Variants in PCDH15 observed in about 807,000 individuals in gnomAD.
PCDH15 encodes protocadherin-15.
In PCDH15, 129 loss-of-function variants were observed where a neutral mutation model predicts 178.5. The observed-to-expected ratio is 0.72, with a 90% CI of 0.63 to 0.84. The LOEUF (loss-of-function observed/expected upper bound fraction) is 0.84, where lower values mean the gene tolerates loss of function less well. Ranked by LOEUF, PCDH15 falls within the 40% of genes least tolerant of loss-of-function variation. PCDH15 has a pLI of 0.00. For synonymous variants in PCDH15, 800 were observed against 732.0 expected (o/e 1.09, Z -1.50); for missense variants, 2,230 against 2,099.9 (o/e 1.06, Z -1.21).
intron 3 of PCDH15, among the ~76,000 whole-genome samples, chr10:54,863,613 G>T (rs752136417): frequency 6.6e-6 from 1 of 152,146 alleles, no homozygotes; most frequent in Non-Finnish European, 1.5e-5. Context: ...TTTCTTAATT[G>T]TAAAATAAGA....
At chr10:54,585,809 T>C (rs2091423184) in intron 2 of PCDH15, among the ~76,000 whole-genome samples, 1 of 152,188 alleles carries the variant, frequency 6.6e-6, no homozygotes, top group Non-Finnish European at 1.5e-5. Flanking sequence ...TTATGTCTTC[T>C]TAATTGTTCA....
Position 55,290,064 on chromosome 10 carries a change from A to T in PCDH15, c.-156+29535T>A, listed in dbSNP as rs147720981. ...CAGCCTCCAGAACTGTAATAAATAA[A>T]TTTTTCTTTATAAACTACCCAGTCT... On this transcript the variant is annotated intron_variant, in intron 1 of 5. Coordinates refer to the PCDH15 transcript ENST00000458638. Among the ~76,000 whole-genome samples the T allele has an allele frequency of 9.7e-3, 1,478 of 151,698 alleles. 41 individuals are homozygous for T. Among genetic ancestry groups the T allele is most frequent in the African/African-American group, 0.033 (1,348 of 41,158 alleles).
At position 54,929,999 on chromosome 10, in the gene PCDH15, G is replaced by A. The variant is rs764543309; in HGVS notation, c.-79-32499C>T. Among the ~76,000 whole-genome samples the A allele has an allele frequency of 2.0e-5, 3 of 152,224 alleles. No homozygotes were observed. In the South Asian group the frequency reaches 6.2e-4, roughly 32 times the overall value. On this transcript the variant is annotated intron_variant, in intron 2 of 5. Transcript: ENST00000458638. The stretch of plus-strand genomic sequence containing the variant: ...CCCAAATCATTTGTTTTCTAACTAA[G>A]AGCAGCCTGTAAAATTGAGCTGCAG...
chr10:55,308,101 T>C (rs1455564358), intron 1 of PCDH15, among the ~76,000 whole-genome samples: 1 of 152,146 alleles, frequency 6.6e-6, no homozygotes, highest in Non-Finnish European at 1.5e-5. Flanking sequence ...TAGAAAACAT[T>C]TTTCTATTAT....
At chr10:55,131,857 CTCACTTTGA>C (rs1838056150) in intron 2 of PCDH15, among the ~76,000 whole-genome samples, 1 of 152,152 alleles carries the variant, frequency 6.6e-6, no homozygotes, top group Non-Finnish European at 1.5e-5. Context: ...ACCATGAATT[CTCACTTTGA>C]TCTGCAGAAC....
chr10:55,151,430 T>C (rs1838709459), intron 2 of PCDH15, among the ~76,000 whole-genome samples: 1 of 152,076 alleles, frequency 6.6e-6, no homozygotes, highest in Non-Finnish European at 1.5e-5. Flanking sequence ...AAATTGAGGC[T>C]CTCACTAGCC....
At chr10:54,804,948 T>TATATATATATATATAC (rs905516559), upstream of PCDH15, among the ~76,000 whole-genome samples, 17 of 127,232 alleles carry the variant, frequency 1.3e-4, 1 homozygote, top group East Asian at 5.0e-4. Context: ...TATATATATA[T>TATATATATATATATAC]ACAGAGTTTG....
chr10:55,534,055 A>T (rs1347008168), intron 2 of PCDH15, among the ~76,000 whole-genome samples: 1 of 152,062 alleles, frequency 6.6e-6, no homozygotes, highest in Non-Finnish European at 1.5e-5. Context: ...CTGAACCCTT[A>T]CTTTTCACCA....
intron 8 of PCDH15, among the ~76,000 whole-genome samples, chr10:54,307,388 C>G: frequency 6.6e-6 from 1 of 151,118 alleles, no homozygotes; most frequent in South Asian, 2.1e-4. Context: ...ATTTATAGGG[C>G]GAAGAAGTCC....
At chr10:54,056,252 C>T (rs536100368) in intron 18 of PCDH15, among the ~76,000 whole-genome samples, 130 of 152,226 alleles carry the variant, frequency 8.5e-4, no homozygotes, top group Non-Finnish European at 8.8e-5. Context: ...ATTCCAAGTT[C>T]TCTCTTCAAG....
intron 2 of PCDH15, among the ~76,000 whole-genome samples, chr10:55,584,089 G>T (rs915625198): frequency 6.6e-6 from 1 of 151,956 alleles, no homozygotes; most frequent in Non-Finnish European, 1.5e-5. Context: ...TCACTATATT[G>T]TCCAAGCTGG....
At chr10:54,557,430 T>C (rs1263642175) in intron 2 of PCDH15, among the ~76,000 whole-genome samples, 1 of 152,132 alleles carries the variant, frequency 6.6e-6, no homozygotes, top group East Asian at 1.9e-4. Context: ...CCTCAAACCC[T>C]AGAAAAAGAG....
At chr10:55,036,194 G>A (rs1004454653) in intron 2 of PCDH15, among the ~76,000 whole-genome samples, 8 of 152,116 alleles carry the variant, frequency 5.3e-5, no homozygotes, top group Non-Finnish European at 1.0e-4. Flanking sequence ...GCCATGAGAT[G>A]ATGAAGCAAG....
intron 2 of PCDH15, among the ~76,000 whole-genome samples, chr10:55,330,770 A>G (rs1164960408): frequency 6.6e-6 from 1 of 151,728 alleles, no homozygotes; most frequent in Non-Finnish European, 1.5e-5. Context: ...GAAGGTCTCC[A>G]TATTACCAAT....
intron 1 of PCDH15, among the ~76,000 whole-genome samples, chr10:55,318,937 A>T (rs2132297227): frequency 6.6e-6 from 1 of 152,244 alleles, no homozygotes; most frequent in South Asian, 2.1e-4. Context: ...TAGGTTTTGG[A>T]GTGCCTTCTC....
intron 2 of PCDH15, among the ~76,000 whole-genome samples, chr10:54,637,977 A>T (rs74136234): frequency 2.7e-3 from 414 of 152,196 alleles, no homozygotes; most frequent in African/African-American, 9.7e-3. Flanking sequence ...TAATTAGTAC[A>T]GTCTCTTAAA....
At chr10:55,369,089 T>G (rs948546185) in intron 2 of PCDH15, among the ~76,000 whole-genome samples, 3 of 150,800 alleles carry the variant, frequency 2.0e-5, no homozygotes, top group Middle Eastern at 3.5e-3. Context: ...CCTTTTCTTA[T>G]CCTCAGTTTC....
intron 3 of PCDH15, among the ~76,000 whole-genome samples, chr10:54,400,361 C>T (rs889052850): frequency 6.6e-6 from 1 of 151,914 alleles, no homozygotes; most frequent in Admixed American, 6.6e-5. Context: ...TTTCTTTACC[C>T]CCAGAAAATA....
At chr10:54,136,398 ATTT>A (rs34653991) in intron 14 of PCDH15, among the ~76,000 whole-genome samples, 1 of 145,714 alleles carries the variant, frequency 6.9e-6, no homozygotes, top group Admixed American at 6.9e-5. Context: ...ACTGTTTAAC[ATTT>A]TTTTTTTTTT....
Sources: allele counts gnomAD v4.1 joint callset (sites outside exome capture counted in the v4.1 genomes callset), GRCh38; gene constraint gnomAD v4.1.1; transcripts MANE v1.5; gene names NCBI Gene and HGNC (gene_info 2026-07-23, HGNC 2026-07-21).